The following SLC24A3 variants were observed in gnomAD, a reference collection of about 807,000 sequenced individuals.
SLC24A3 encodes sodium/potassium/calcium exchanger 3.
A neutral mutation model predicts 75.8 loss-of-function variants in SLC24A3; 28 were observed. The observed-to-expected ratio is 0.37, with a 90% CI of 0.27 to 0.51. The LOEUF is 0.51. SLC24A3 is among the 20% of genes least tolerant of loss of function. SLC24A3 has a pLI of 0.94. For missense variants in SLC24A3, 663 were observed against 847.8 expected, an observed-to-expected ratio of 0.78 and a Z score of 2.71; for synonymous variants, 372 against 334.1, an observed-to-expected ratio of 1.11 and a Z score of -1.24.
intron 2 of SLC24A3, among the ~76,000 whole-genome samples, chr20:19,372,610 T>G (rs1476973317): frequency 6.6e-6 from 1 of 152,186 alleles, no homozygotes; most frequent in Non-Finnish European, 1.5e-5. Flanking sequence ...ACAAACAGAC[T>G]AACCAAACCT....
intron 2 of SLC24A3, among the ~76,000 whole-genome samples, chr20:19,460,063 G>A (rs1987643458): frequency 6.6e-6 from 1 of 152,170 alleles, no homozygotes; most frequent in South Asian, 2.1e-4. Context: ...CCAGGGTGAG[G>A]GTGAGGCGAG....
chr20:19,387,496 C>T (rs1323077190), intron 2 of SLC24A3, among the ~76,000 whole-genome samples: 2 of 152,130 alleles, frequency 1.3e-5, no homozygotes, highest in Admixed American at 1.3e-4. Context: ...TTTACTGCAT[C>T]ACATAATTTT....
chr20:19,293,958 C>G (rs1224178384), intron 2 of SLC24A3, among the ~76,000 whole-genome samples: 1 of 152,106 alleles, frequency 6.6e-6, no homozygotes, highest in African/African-American at 2.4e-5. Context: ...CATGGGTCCT[C>G]AAGTCCCTGA....
At chr20:19,428,092 A>G (rs1371388902) in intron 2 of SLC24A3, among the ~76,000 whole-genome samples, 1 of 152,160 alleles carries the variant, frequency 6.6e-6, no homozygotes, top group Non-Finnish European at 1.5e-5. Context: ...TTTTGAAAAT[A>G]TGTTCTTGCC....
At chr20:19,283,888 A>G (rs1983733492) in intron 2 of SLC24A3, among the ~76,000 whole-genome samples, 1 of 152,204 alleles carries the variant, frequency 6.6e-6, no homozygotes, top group Non-Finnish European at 1.5e-5. Context: ...GGCACAGTGC[A>G]AGATTCCTAG....
chr20:19,562,155 T>C (rs1473923439), intron 3 of SLC24A3, among the ~76,000 whole-genome samples: 2 of 152,182 alleles, frequency 1.3e-5, no homozygotes, highest in Non-Finnish European at 2.9e-5. Context: ...GGAAGGTAAC[T>C]GGAAGCATGA....
chr20:19,323,407 A>T (rs1230638749), intron 2 of SLC24A3, among the ~76,000 whole-genome samples: 2 of 152,214 alleles, frequency 1.3e-5, no homozygotes, highest in Admixed American at 1.3e-4. Context: ...TTCCAGATTT[A>T]TCCTAGGACA....
At chr20:19,539,242 ACAT>A (rs2030454716) in intron 3 of SLC24A3, among the ~76,000 whole-genome samples, 1 of 152,216 alleles carries the variant, frequency 6.6e-6, no homozygotes, top group Admixed American at 6.5e-5. Flanking sequence ...AGGAAACATA[ACAT>A]CAGAATCCTT....
chr20:19,685,445 C>T, intron 12 of SLC24A3, 84 bp downstream of exon 12: 1 of 1,539,670 alleles, frequency 6.5e-7, no homozygotes, highest in Non-Finnish European at 8.8e-7. Context: ...ATCTTTTTAC[C>T]ATTCAATTTT....
At chr20:19,602,228 C>T (rs1354779008) in intron 6 of SLC24A3, among the ~76,000 whole-genome samples, 1 of 152,158 alleles carries the variant, frequency 6.6e-6, no homozygotes, top group Non-Finnish European at 1.5e-5. Context: ...GTATTGATGG[C>T]TCCTGGGCAC....
At chr20:19,251,041 C>G (rs1273692719) in intron 1 of SLC24A3, among the ~76,000 whole-genome samples, 1 of 152,194 alleles carries the variant, frequency 6.6e-6, no homozygotes, top group Admixed American at 6.5e-5. Context: ...GACATGCCAG[C>G]CACCACTCTT....
At chr20:19,309,130 A>G (rs1984399426) in intron 2 of SLC24A3, among the ~76,000 whole-genome samples, 1 of 152,210 alleles carries the variant, frequency 6.6e-6, no homozygotes, top group East Asian at 1.9e-4. Flanking sequence ...AGGTTTGTCT[A>G]CCTTTAAAAC....
intron 3 of SLC24A3, among the ~76,000 whole-genome samples, chr20:19,551,112 A>G (rs1371587560): frequency 2.0e-5 from 3 of 152,250 alleles, no homozygotes; most frequent in Non-Finnish European, 4.4e-5. Context: ...AAGCTAGTGC[A>G]GTGCTTCTGC....
At chr20:19,653,937 G>C in intron 6 of SLC24A3, 125 bp from the exon 7 acceptor site, 2 of 633,916 alleles carry the variant, frequency 3.2e-6, no homozygotes, top group South Asian at 2.5e-5. Context: ...AATAAATTCC[G>C]ATTGATTGGC....
At chr20:19,529,500 C>T (rs937962818) in intron 3 of SLC24A3, among the ~76,000 whole-genome samples, 4 of 152,212 alleles carry the variant, frequency 2.6e-5, no homozygotes, top group African/African-American at 9.6e-5. Context: ...TCTCCATCTC[C>T]ACAAGCATGG....
intron 3 of SLC24A3, among the ~76,000 whole-genome samples, chr20:19,546,076 G>A (rs372001084): frequency 1.0e-3 from 147 of 147,078 alleles, no homozygotes; most frequent in African/African-American, 3.1e-3. Context: ...GGAAAATGGC[G>A]TGAACCCGGG....
chr20:19,527,513 C>T (rs1052313156), intron 3 of SLC24A3, among the ~76,000 whole-genome samples: 2 of 152,128 alleles, frequency 1.3e-5, no homozygotes, highest in African/African-American at 4.8e-5. Flanking sequence ...TTTGGGGGGC[C>T]AGACCTTCCT....
At chr20:19,343,088 A>AG (rs768822334) in intron 2 of SLC24A3, among the ~76,000 whole-genome samples, 11,586 of 146,958 alleles carry the variant, frequency 0.079, 1,615 homozygotes, top group African/African-American at 0.25. Flanking sequence ...AAAAAAAGAA[A>AG]AAAGAAAAAG....
chr20:19,671,384 G>A (rs923742919), intron 8 of SLC24A3, among the ~76,000 whole-genome samples: 3 of 152,180 alleles, frequency 2.0e-5, no homozygotes, highest in Admixed American at 2.0e-4. Flanking sequence ...ATTTTGGGAA[G>A]TAAAGATTTT....
Sources: gnomAD v4.1 joint callset for allele counts (sites outside exome capture counted in the v4.1 genomes callset) on GRCh38, gnomAD v4.1.1 for gene constraint, MANE v1.5 for transcripts, NCBI Gene and HGNC (gene_info 2026-07-23, HGNC 2026-07-21) for gene names.